The following LRRTM4 variants were observed in gnomAD, a reference collection of about 807,000 sequenced individuals.
The protein encoded by LRRTM4 is leucine-rich repeat transmembrane neuronal protein 4.
In LRRTM4, 25 loss-of-function variants were observed where a neutral mutation model predicts 47.6. The ratio of observed to expected loss-of-function variants is 0.53; its 90% CI spans 0.38 to 0.73. LRRTM4 has a LOEUF of 0.73. Among genes scored for constraint, LRRTM4 ranks in the 30% least tolerant of loss-of-function variants. The pLI is 0.00. For synonymous variants in LRRTM4, 311 were observed against 269.5 expected (o/e 1.15, Z -1.51); for missense variants, 638 against 713.4 (o/e 0.89, Z 1.20).
At chr2:76,800,887 T>C (rs1366727402) in intron 3 of LRRTM4, among the ~76,000 whole-genome samples, 1 of 151,068 alleles carries the variant, frequency 6.6e-6, no homozygotes, top group African/African-American at 2.4e-5. Context: ...AAAATGCAAA[T>C]GAAAACCACA....
intron 3 of LRRTM4, among the ~76,000 whole-genome samples, chr2:76,900,517 G>A (rs1475469129): frequency 6.6e-6 from 1 of 151,906 alleles, no homozygotes; most frequent in Non-Finnish European, 1.5e-5. Flanking sequence ...TCTTTCTTGT[G>A]TGCCAAAGCA....
intron 3 of LRRTM4, among the ~76,000 whole-genome samples, chr2:77,184,241 G>C (rs1452501507): frequency 6.6e-6 from 1 of 151,784 alleles, no homozygotes; most frequent in African/African-American, 2.4e-5. Context: ...ACCAAAATAA[G>C]AACGTAAAAT....
chr2:76,946,588 A>G (rs1324492682), intron 3 of LRRTM4, among the ~76,000 whole-genome samples: 5 of 151,964 alleles, frequency 3.3e-5, no homozygotes, highest in Admixed American at 3.3e-4. Flanking sequence ...CACAATGGGC[A>G]ACTCAATTTT....
chr2:76,873,913 T>C (rs1273046365), intron 3 of LRRTM4, among the ~76,000 whole-genome samples: 1 of 151,912 alleles, frequency 6.6e-6, no homozygotes, highest in East Asian at 1.9e-4. Flanking sequence ...ATTATTTGAA[T>C]CCCTTGAAAT....
At chr2:77,245,960 A>C (rs1259026506) in intron 3 of LRRTM4, among the ~76,000 whole-genome samples, 1 of 152,204 alleles carries the variant, frequency 6.6e-6, no homozygotes, top group Non-Finnish European at 1.5e-5. Flanking sequence ...TTAGTCAATC[A>C]CATAACATGA....
intron 3 of LRRTM4, among the ~76,000 whole-genome samples, chr2:77,379,790 A>T (rs993878907): frequency 1.3e-5 from 2 of 152,022 alleles, no homozygotes; most frequent in Non-Finnish European, 2.9e-5. Context: ...ATTTTTCTCA[A>T]CAAGTTAAAA....
chr2:77,172,253 G>T (rs1448832480), intron 3 of LRRTM4, among the ~76,000 whole-genome samples: 2 of 152,234 alleles, frequency 1.3e-5, no homozygotes, highest in East Asian at 3.9e-4. Context: ...TCACCACAAT[G>T]TACCCCTTTG....
intron 3 of LRRTM4, among the ~76,000 whole-genome samples, chr2:77,028,125 C>T (rs1678517111): frequency 6.6e-6 from 1 of 151,938 alleles, no homozygotes; most frequent in Non-Finnish European, 1.5e-5. Context: ...CTGTTAGGCT[C>T]TATATGGACA....
intron 3 of LRRTM4, among the ~76,000 whole-genome samples, chr2:77,450,534 AATAAAG>A (rs1429779600): frequency 3.9e-5 from 6 of 152,180 alleles, no homozygotes; most frequent in Admixed American, 3.9e-4. Flanking sequence ...TATAAAGCTG[AATAAAG>A]ATAAAGTGTA....
At chr2:76,808,968 G>T (rs1670646941) in intron 3 of LRRTM4, among the ~76,000 whole-genome samples, 1 of 152,204 alleles carries the variant, frequency 6.6e-6, no homozygotes, top group Non-Finnish European at 1.5e-5. Flanking sequence ...GCTGTGTTTT[G>T]TGTTTGTCAG....
chr2:76,912,978 C>G (rs1674122500), intron 3 of LRRTM4, among the ~76,000 whole-genome samples: 1 of 152,144 alleles, frequency 6.6e-6, no homozygotes, highest in Non-Finnish European at 1.5e-5. Context: ...ATTACCCAGT[C>G]CCAAGGATTT....
intron 3 of LRRTM4, among the ~76,000 whole-genome samples, chr2:77,058,305 C>T (rs1679673005): frequency 6.6e-6 from 1 of 152,038 alleles, no homozygotes; most frequent in African/African-American, 2.4e-5. Flanking sequence ...CTAAAAGGAA[C>T]CAGAACCAGC....
intron 3 of LRRTM4, among the ~76,000 whole-genome samples, chr2:77,258,681 G>A (rs76602729): frequency 0.02 from 3,070 of 151,774 alleles, 34 homozygotes; most frequent in African/African-American, 0.035. Context: ...TTAAATTATT[G>A]GTTATATTCA....
intron 3 of LRRTM4, among the ~76,000 whole-genome samples, chr2:76,864,365 G>C (rs987729532): frequency 9.9e-5 from 15 of 152,112 alleles, no homozygotes; most frequent in Admixed American, 9.8e-4. Context: ...GAATTTTAAA[G>C]AAATGAAGTG....
In LRRTM4 at chr2:77,092,704, G is replaced by T. The variant is rs964550609; in HGVS notation, c.1552-343788C>A. Among the ~76,000 whole-genome samples the T allele has an allele frequency of 2.8e-5, 4 of 143,634 alleles. No homozygotes were observed. The South Asian group carries it at 8.8e-4, about 32-fold the overall frequency. The allele number at this position is 143,634 out of a possible 152,430, so 94.2% of individuals were successfully genotyped here. On this transcript the variant is annotated intron_variant, in intron 3 of 3. Transcript: ENST00000409884. ...GGCCTTTCCTACAGGGTCTGAGAAGGCCACCGCAGTCATTTCTTCCATTCT... is the reference window on the plus strand; with the variant it reads ...GGCCTTTCCTACAGGGTCTGAGAAGTCCACCGCAGTCATTTCTTCCATTCT...
intron 3 of LRRTM4, among the ~76,000 whole-genome samples, chr2:77,204,889 T>C (rs1674077341): frequency 6.6e-6 from 1 of 152,172 alleles, no homozygotes; most frequent in Non-Finnish European, 1.5e-5. Flanking sequence ...AATGTAGTAA[T>C]TAAACCCATC....
intron 3 of LRRTM4, among the ~76,000 whole-genome samples, chr2:76,993,446 G>T (rs1212532229): frequency 1.3e-5 from 2 of 151,850 alleles, no homozygotes; most frequent in East Asian, 3.9e-4. Context: ...AATTGGCAAT[G>T]AAAATGAACA....
At chr2:77,045,114 TGA>T (rs1366318509) in intron 3 of LRRTM4, among the ~76,000 whole-genome samples, 1 of 151,818 alleles carries the variant, frequency 6.6e-6, no homozygotes, top group Non-Finnish European at 1.5e-5. Flanking sequence ...ACAAATGAAG[TGA>T]GAAATGTTTA....
At chr2:77,238,676 C>A (rs866599061) in intron 3 of LRRTM4, among the ~76,000 whole-genome samples, 6 of 151,718 alleles carry the variant, frequency 4.0e-5, no homozygotes, top group African/African-American at 1.5e-4. Context: ...AAAACCAAAG[C>A]TAAAGAGTCA....
Sources: allele counts gnomAD v4.1 joint callset (sites outside exome capture counted in the v4.1 genomes callset), GRCh38; gene constraint gnomAD v4.1.1; transcripts MANE v1.5; gene names NCBI Gene and HGNC (gene_info 2026-07-23, HGNC 2026-07-21).